The following CDH18 variants were observed in gnomAD, a reference collection of about 807,000 sequenced individuals.
CDH18 encodes the protein cadherin-18.
A neutral mutation model predicts 67.9 loss-of-function variants in CDH18; 31 were observed. The observed-to-expected ratio is 0.46, with a 90% CI of 0.34 to 0.62. CDH18 has a LOEUF of 0.62. Among genes scored for constraint, CDH18 ranks in the 20% least tolerant of loss-of-function variants. The pLI, the probability that CDH18 is intolerant of heterozygous loss-of-function variation, is 0.01. For synonymous variants in CDH18, 362 were observed against 347.2 expected, an observed-to-expected ratio of 1.04 and a Z score of -0.48; for missense variants, 890 against 975.5, an observed-to-expected ratio of 0.91 and a Z score of 1.17.
chr5:20,137,465 T>A (rs976776724), intron 2 of CDH18, among the ~76,000 whole-genome samples: 1 of 152,156 alleles, frequency 6.6e-6, no homozygotes, highest in African/African-American at 2.4e-5. Flanking sequence ...ATGCTGTTTA[T>A]TCTAGTTAGC....
At chr5:19,901,566 C>G (rs1164828285) in intron 2 of CDH18, among the ~76,000 whole-genome samples, 1 of 151,910 alleles carries the variant, frequency 6.6e-6, no homozygotes, top group Non-Finnish European at 1.5e-5. Context: ...ACAAATAAGT[C>G]TTCAGGTATG....
intron 1 of CDH18, among the ~76,000 whole-genome samples, chr5:20,279,742 G>C (rs1179227852): frequency 2.7e-5 from 2 of 74,592 alleles, no homozygotes; most frequent in East Asian, 4.7e-4. Context: ...AAAACTGTAA[G>C]AGCGAGATAG....
At chr5:20,511,677 T>A (rs1365409544) in intron 1 of CDH18, among the ~76,000 whole-genome samples, 2 of 152,158 alleles carry the variant, frequency 1.3e-5, no homozygotes, top group Admixed American at 6.6e-5. Context: ...TCCTTGTAAA[T>A]TTATCTGCTC....
chr5:20,448,471 T>C (rs1477442873), intron 1 of CDH18, among the ~76,000 whole-genome samples: 3 of 152,190 alleles, frequency 2.0e-5, no homozygotes, highest in African/African-American at 7.2e-5. Flanking sequence ...AAAATGTATT[T>C]ATTAGCTATA....
intron 2 of CDH18, among the ~76,000 whole-genome samples, chr5:19,993,738 C>T (rs560007907): frequency 3.3e-5 from 5 of 151,770 alleles, no homozygotes; most frequent in East Asian, 3.9e-4. Flanking sequence ...ATATAGATAT[C>T]GATATATAGA....
At chr5:20,471,626 G>A (rs888890882) in intron 1 of CDH18, among the ~76,000 whole-genome samples, 2 of 151,282 alleles carry the variant, frequency 1.3e-5, no homozygotes, top group East Asian at 2.0e-4. Context: ...ATGGTGAAAC[G>A]CAGTCTCTAC....
At chr5:20,088,735 C>T (rs969799174) in intron 2 of CDH18, among the ~76,000 whole-genome samples, 2 of 152,088 alleles carry the variant, frequency 1.3e-5, no homozygotes, top group African/African-American at 2.4e-5. Context: ...GGCCTCTTCT[C>T]TATATTTTGT....
chr5:20,274,482 G>A (rs1745660108), intron 1 of CDH18, among the ~76,000 whole-genome samples: 1 of 151,996 alleles, frequency 6.6e-6, no homozygotes. Context: ...TCAGAAAGAA[G>A]GAATACATAT....
chr5:19,897,933 CTTTA>C (rs1389660875), intron 2 of CDH18, among the ~76,000 whole-genome samples: 1 of 151,980 alleles, frequency 6.6e-6, no homozygotes, highest in African/African-American at 2.4e-5. Context: ...AATTCTGTTT[CTTTA>C]TCTGGATGAA....
In CDH18 at chr5:20,482,536, C is replaced by A. The variant is rs919436672; in HGVS notation, c.-580+92926G>T. ...ACAAAAATCTTCAATAAAATACTAGCAAATTGAGTTGAACAATACAGTAAA... is the reference window on the plus strand; with the variant it reads ...ACAAAAATCTTCAATAAAATACTAGAAAATTGAGTTGAACAATACAGTAAA... On this transcript the variant is annotated intron_variant, in intron 1 of 14. Coordinates refer to the CDH18 transcript ENST00000507958. Among the ~76,000 whole-genome samples, 83 of 151,950 alleles carry A rather than the reference C, an allele frequency of 5.5e-4. 1 individual carries two copies. The highest frequency in any genetic ancestry group is 1.5e-4 in the Non-Finnish European group (10 of 67,914).
intron 1 of CDH18, among the ~76,000 whole-genome samples, chr5:20,476,347 GA>G (rs397720907): frequency 8.6e-4 from 125 of 145,960 alleles, no homozygotes; most frequent in South Asian, 1.9e-3. Flanking sequence ...CATTACATTT[GA>G]AAAAAAAAAA....
intron 1 of CDH18, among the ~76,000 whole-genome samples, chr5:20,453,596 TG>T (rs1261762421): frequency 2.6e-5 from 4 of 151,798 alleles, no homozygotes; most frequent in Non-Finnish European, 4.4e-5. Context: ...TGTGTGTATA[TG>T]TATATATATG....
chr5:20,364,158 T>G (rs1010753349), intron 1 of CDH18, among the ~76,000 whole-genome samples: 1 of 152,088 alleles, frequency 6.6e-6, no homozygotes, highest in Non-Finnish European at 1.5e-5. Flanking sequence ...TTTCAGTACT[T>G]CAGTAAATAA....
At chr5:19,785,295 G>T (rs1274485487) in intron 3 of CDH18, among the ~76,000 whole-genome samples, 2 of 151,812 alleles carry the variant, frequency 1.3e-5, no homozygotes, top group Non-Finnish European at 2.9e-5. Flanking sequence ...TATTTTTCAG[G>T]TTGAGGGACA....
chr5:19,857,877 A>C (rs576620385), intron 2 of CDH18, among the ~76,000 whole-genome samples: 14 of 152,330 alleles, frequency 9.2e-5, no homozygotes, highest in Non-Finnish European at 1.0e-4. Flanking sequence ...CTTTCAAGTC[A>C]GAAATTATTT....
chr5:19,971,515 G>A (rs1038129314), intron 2 of CDH18, among the ~76,000 whole-genome samples: 3 of 151,990 alleles, frequency 2.0e-5, no homozygotes, highest in Non-Finnish European at 4.4e-5. Flanking sequence ...GATCATTTGC[G>A]AAACTTGGTA....
At chr5:20,050,326 C>T (rs556930259) in intron 2 of CDH18, among the ~76,000 whole-genome samples, 3 of 151,834 alleles carry the variant, frequency 2.0e-5, no homozygotes, top group Non-Finnish European at 4.4e-5. Context: ...ATTTATGCCA[C>T]TGTAACTCAA....
chr5:20,465,076 G>A (rs1751547317), intron 1 of CDH18, among the ~76,000 whole-genome samples: 2 of 152,176 alleles, frequency 1.3e-5, no homozygotes, highest in South Asian at 2.1e-4. Context: ...TAAATGACAC[G>A]AGAGAATAGA....
chr5:20,346,070 C>T (rs1319158639), intron 1 of CDH18, among the ~76,000 whole-genome samples: 1 of 152,112 alleles, frequency 6.6e-6, no homozygotes. Context: ...CAACCCTTTT[C>T]TGAAAATGCA....
Sources: allele counts gnomAD v4.1 joint callset (sites outside exome capture counted in the v4.1 genomes callset), GRCh38; gene constraint gnomAD v4.1.1; transcripts MANE v1.5; gene names NCBI Gene and HGNC (gene_info 2026-07-23, HGNC 2026-07-21).